ZNF410: variants seen among roughly 807,000 people sequenced by gnomAD.
ZNF410 encodes zinc finger protein 410.
A neutral mutation model predicts 54.8 loss-of-function variants in ZNF410; 18 were observed. The ratio of observed to expected loss-of-function variants is 0.33; its 90% CI spans 0.23 to 0.49. The LOEUF (loss-of-function observed/expected upper bound fraction) is 0.49. Among genes scored for constraint, ZNF410 ranks in the 20% least tolerant of loss-of-function variants. The probability of loss-of-function intolerance (pLI) is 0.99; values close to 1 mark genes in which losing one functional copy is unlikely to be tolerated. For synonymous variants in ZNF410, 191 were observed against 207.3 expected, an observed-to-expected ratio of 0.92 and a Z score of 0.68; for missense variants, 405 against 569.6, an observed-to-expected ratio of 0.71 and a Z score of 2.94.
Position 73,921,079 on chromosome 14 carries a change from C to G in ZNF410, c.1103C>G (p.Ala368Gly). ...AAGCATCACCTGCAGCTGGGAGCAG[C>G]TGGGAGTCAAGAGCAGGAGCAAACT... ...MRKHHLQLGA[A>G]GSQEQEQTAE... Residue 368 changes from alanine (A) to glycine (G), a missense_variant, in exon 9 of 12, where the codon GCT becomes GGT. Coordinates refer to ENST00000555044, the MANE Select transcript of ZNF410 (RefSeq NM_021188.3). The G allele has an allele frequency of 6.2e-7, 1 of 1,614,052 alleles. No individual in the cohort carries two copies. The highest frequency in any genetic ancestry group is 8.5e-7 in the Non-Finnish European group (1 of 1,179,972).
intron 11 of ZNF410, 53 bp from the exon 12 acceptor site, chr14:73,931,450 T>C: frequency 6.7e-7 from 1 of 1,495,444 alleles, no homozygotes; most frequent in Non-Finnish European, 9.3e-7. Flanking sequence ...ATGAATTATT[T>C]TTTCTATAAT....
intron 2 of ZNF410, among the ~76,000 whole-genome samples, chr14:73,892,428 A>G (rs1431967889): frequency 6.6e-6 from 1 of 151,824 alleles, no homozygotes; most frequent in Non-Finnish European, 1.5e-5. Context: ...ATGTGAAATC[A>G]TACATTTAGA....
Position 73,905,024 on chromosome 14 carries a change from G to T in ZNF410, c.854G>T (p.Gly285Val). 6.2e-7 allele frequency: 1 copy of T among 1,614,040 alleles called. No homozygotes were observed. The highest frequency in any genetic ancestry group is 8.5e-7 in the Non-Finnish European group (1 of 1,180,038). Residue 285 changes from glycine to valine, a missense_variant, in exon 7 of 12, where the codon GGC becomes GTC. Coordinates refer to ENST00000555044, the MANE Select transcript of ZNF410 (RefSeq NM_021188.3). ...GEKPFMCHES[G>V]CGKQFTTAGN... is the part of the protein sequence containing the mutation. The stretch of plus-strand genomic sequence containing the variant: ...AAGCCCTTTATGTGCCATGAGTCTG[G>T]CTGTGGTAAGCAGTTTACTACAGCT...
intron 7 of ZNF410, among the ~76,000 whole-genome samples, chr14:73,906,698 C>T (rs375716785): frequency 1.7e-4 from 26 of 151,826 alleles, no homozygotes; most frequent in Middle Eastern, 3.2e-3. Context: ...AGGCTGTTCT[C>T]GAATTCCTGA....
chr14:73,893,283 A>G (rs1805748640), intron 2 of ZNF410: 2 of 152,260 alleles, frequency 1.3e-5, no homozygotes. Flanking sequence ...AGTGTCACTT[A>G]GCGATAGAGA....
chr14:73,903,220 C>T (rs1840565677), intron 5 of ZNF410, among the ~76,000 whole-genome samples: 1 of 152,116 alleles, frequency 6.6e-6, no homozygotes, highest in Non-Finnish European at 1.5e-5. Flanking sequence ...CCTCCGCCTC[C>T]CGGACACAAG....
chr14:73,907,197 T>G (rs1428249234), intron 7 of ZNF410, among the ~76,000 whole-genome samples: 1 of 152,214 alleles, frequency 6.6e-6, no homozygotes, highest in Non-Finnish European at 1.5e-5. Flanking sequence ...TGAATTCTGA[T>G]ATGACCCCAA....
intron 8 of ZNF410, among the ~76,000 whole-genome samples, chr14:73,911,924 C>G (rs1299687416): frequency 6.6e-6 from 1 of 152,038 alleles, no homozygotes; most frequent in Non-Finnish European, 1.5e-5. Context: ...AGCCCACATT[C>G]TGGATATATT....
chr14:73,904,875 T>G (rs1313019856), intron 6 of ZNF410, 27 bp from the exon 7 acceptor site: 1 of 1,608,258 alleles, frequency 6.2e-7, no homozygotes, highest in African/African-American at 1.3e-5. Flanking sequence ...TTTTCAGATA[T>G]TTTTCCTTAT....
chr14:73,931,700 G>C lies in ZNF410; in HGVS notation c.*159G>C, dbSNP rs1229740319. On this transcript the variant is annotated 3_prime_UTR_variant, in exon 12 of 12. Coordinates refer to ENST00000555044, the MANE Select transcript of ZNF410 (RefSeq NM_021188.3). ...CTCTTTCCTGGTATAGAAGATGGAT[G>C]TAGGAGAGCTTCTTTTCTAACTACC... 1.5e-6 allele frequency: 1 copy of C among 661,390 alleles called. No homozygotes were observed. The highest frequency in any genetic ancestry group is 1.9e-5 in the African/African-American group (1 of 53,980). 41.0% of individuals were successfully genotyped at this position (661,390 alleles called of 1,614,324 possible).
rs781762161 is a variant in ZNF410 at position 73,904,122 on chromosome 14, C to A, written c.731+12C>A. 1 of 1,610,512 alleles carries A rather than the reference C, an allele frequency of 6.2e-7. No homozygotes were observed. The highest frequency in any genetic ancestry group is 8.5e-7 in the Non-Finnish European group (1 of 1,178,204). On this transcript the variant is annotated intron_variant, in intron 6 of 11. Coordinates refer to ENST00000555044, the MANE Select transcript of ZNF410 (RefSeq NM_021188.3). ...CTCAAGACTCATCGGTGAGCAAATCCGAGATCTCATATTTGGATATACGTT... is the reference window on the plus strand; with the variant it reads ...CTCAAGACTCATCGGTGAGCAAATCAGAGATCTCATATTTGGATATACGTT...
intron 5 of ZNF410, among the ~76,000 whole-genome samples, chr14:73,900,189 G>A (rs2055384025): frequency 6.9e-6 from 1 of 143,986 alleles, no homozygotes; most frequent in African/African-American, 2.6e-5. Flanking sequence ...GCGAAACTTG[G>A]TCTCCCAAAA....
Position 73,932,403 on chromosome 14 carries a change from C to G in ZNF410, c.*862C>G, listed in dbSNP as rs762023993. On this transcript the variant is annotated 3_prime_UTR_variant, in exon 12 of 12. Coordinates refer to ENST00000555044, the MANE Select transcript of ZNF410 (RefSeq NM_021188.3). Reference sequence around the variant, plus strand: ...TACCAGTAAAACTGAACCGAGGAGTCTTAGGAAACAACAAGAACATCTTCA... The same window carrying G: ...TACCAGTAAAACTGAACCGAGGAGTGTTAGGAAACAACAAGAACATCTTCA... 4.5e-6 allele frequency: 2 copies of G among 449,204 alleles called. No individual in the cohort carries two copies. The highest frequency in any genetic ancestry group is 8.9e-6 in the Non-Finnish European group (2 of 225,286). The allele number at this position is 449,204 out of a possible 1,614,324, so 27.8% of individuals were successfully genotyped here. A position where few individuals can be genotyped will look rare whatever the true frequency, so the allele number is the denominator to read the frequency against.
intron 4 of ZNF410, 81 bp from the exon 5 acceptor site, chr14:73,897,990 A>C (rs991841108): frequency 2.0e-5 from 24 of 1,187,490 alleles, no homozygotes; most frequent in Middle Eastern, 2.8e-4. Flanking sequence ...AAAAAAAAAA[A>C]GGGACATGGA....
Position 73,892,076 on chromosome 14 carries a change from ATT to A in ZNF410, c.-98_-97del. On this transcript the variant is annotated 5_prime_UTR_variant, in exon 2 of 12. Transcript: ENST00000555044. ...CAACATCTTACGGGAAGAGCATAGTATTTCCTAGAGGAATATGAACATAACAG... is the reference window on the plus strand; with the variant it reads ...CAACATCTTACGGGAAGAGCATAGTATCCTAGAGGAATATGAACATAACAG... The A allele has an allele frequency of 7.7e-7, 1 of 1,291,450 alleles. No individual in the cohort carries two copies. Among genetic ancestry groups the A allele is most frequent in the East Asian group, 2.3e-5 (1 of 43,350 alleles). The allele number at this position is 1,291,450 out of a possible 1,614,324, so 80.0% of individuals were successfully genotyped here.
rs375039083 is a variant in ZNF410, at chr14:73,905,968, C to CATAT, written c.913+909_913+912dup. Among the ~76,000 whole-genome samples, 197 of 78,920 alleles carry CATAT rather than the reference C, an allele frequency of 2.5e-3. 11 individuals carry two copies. In the South Asian group the frequency reaches 0.043, roughly 17 times the overall value. The allele number at this position is 78,920 out of a possible 152,430, so 51.8% of individuals were successfully genotyped here. On this transcript the variant is annotated intron_variant, in intron 7 of 11. Transcript: ENST00000555044. ...ATACACACACACACACACACACACA[C>CATAT]ATATATATATATATATATATATATA...
At chr14:73,915,897 A>G (rs2055660289) in intron 8 of ZNF410, 1 of 152,154 alleles carries the variant, frequency 6.6e-6, no homozygotes, top group South Asian at 2.1e-4. Flanking sequence ...CAGGGTGTAT[A>G]GTCCTATTTA....
At chr14:73,907,807 C>T (rs1480717105) in intron 7 of ZNF410, among the ~76,000 whole-genome samples, 4 of 151,704 alleles carry the variant, frequency 2.6e-5, no homozygotes, top group East Asian at 3.9e-4. Context: ...GCAGGAGAAT[C>T]GCTTGAACCC....
chr14:73,930,214 ATTC>A (rs1389280654), intron 11 of ZNF410, among the ~76,000 whole-genome samples: 8 of 152,210 alleles, frequency 5.3e-5, no homozygotes, highest in Non-Finnish European at 1.2e-4. Flanking sequence ...AAAACACACT[ATTC>A]TTAACTTTCC....
Sources: allele counts gnomAD v4.1 joint callset (sites outside exome capture counted in the v4.1 genomes callset), GRCh38; gene constraint gnomAD v4.1.1; transcripts MANE v1.5; gene names NCBI Gene and HGNC (gene_info 2026-07-23, HGNC 2026-07-21).